The following SHPRH variants were observed in gnomAD, a reference collection of about 807,000 sequenced individuals.
SHPRH encodes the protein SNF2 histone linker PHD RING helicase, also known as E3 ubiquitin-protein ligase SHPRH.
In SHPRH, 106 loss-of-function variants were observed where a neutral mutation model predicts 202.5. The observed-to-expected ratio is 0.52, with a 90% CI of 0.45 to 0.62. The LOEUF (loss-of-function observed/expected upper bound fraction) is 0.62, where lower values mean the gene tolerates loss of function less well. Ranked by LOEUF, SHPRH falls within the 20% of genes least tolerant of loss-of-function variation. SHPRH has a pLI of 0.00. For missense variants in SHPRH, 1,710 were observed against 2,020.0 expected (o/e 0.85, Z 2.94); for synonymous variants, 729 against 686.0 (o/e 1.06, Z -0.98).
rs993748929 is a variant in SHPRH at position 145,960,842 on chromosome 6, G to A, written c.-33+2889C>T. ...TTTGGTACCATAAATGGGTTTCATG[G>A]AAGACAAGTTTTCCATGGACCGGAG... On this transcript the variant is annotated intron_variant, in intron 1 of 29. Transcript: ENST00000275233. Among the ~76,000 whole-genome samples, 4 of 152,284 alleles carry A rather than the reference G, an allele frequency of 2.6e-5. No homozygotes were observed. The East Asian group carries it at 7.7e-4, about 29-fold the overall frequency.
At chr6:145,925,259 A>T (rs1231313043) in intron 16 of SHPRH, among the ~76,000 whole-genome samples, 2 of 151,620 alleles carry the variant, frequency 1.3e-5, no homozygotes, top group Non-Finnish European at 2.9e-5. Context: ...ATACACAGTA[A>T]CACAGGTGTT....
chr6:145,945,758 A>T, intron 7 of SHPRH, 121 bp from the exon 8 acceptor site: 2 of 1,066,490 alleles, frequency 1.9e-6, no homozygotes, highest in Non-Finnish European at 2.5e-6. Flanking sequence ...AAGATTTATT[A>T]CAGCAGAGTG....
chr6:145,861,242 T>C (rs1315138521), downstream of SHPRH, among the ~76,000 whole-genome samples: 1 of 151,960 alleles, frequency 6.6e-6, no homozygotes, highest in Non-Finnish European at 1.5e-5. Context: ...TACAACTCAA[T>C]AGAAAACAAC....
intron 28 of SHPRH, among the ~76,000 whole-genome samples, chr6:145,888,875 C>T (rs1488221254): frequency 6.6e-6 from 1 of 152,074 alleles, no homozygotes; most frequent in East Asian, 1.9e-4. Context: ...GCTGACAAAA[C>T]TTAAAAGATG....
At chr6:145,951,404 C>T (rs1787965079) in intron 3 of SHPRH, among the ~76,000 whole-genome samples, 1 of 151,944 alleles carries the variant, frequency 6.6e-6, no homozygotes, top group South Asian at 2.1e-4. Context: ...AATAAATATG[C>T]CATGTAAAAT....
downstream of SHPRH, chr6:145,884,630 G>A (rs534163710): frequency 6.6e-6 from 1 of 152,078 alleles, no homozygotes; most frequent in African/African-American, 2.4e-5. Context: ...GAAAATGTGA[G>A]GATCAGATTT....
At chr6:145,940,614 A>C in intron 11 of SHPRH, 109 bp downstream of exon 11, 2 of 1,002,166 alleles carry the variant, frequency 2.0e-6, no homozygotes, top group Non-Finnish European at 3.0e-6. Flanking sequence ...AAAGACATGA[A>C]TCATCACTTC....
downstream of SHPRH, among the ~76,000 whole-genome samples, chr6:145,882,994 C>T (rs544334760): frequency 1.3e-5 from 2 of 152,204 alleles, no homozygotes; most frequent in South Asian, 4.2e-4. Context: ...CAAATGGCTC[C>T]TCTAATAGGC....
chr6:145,946,465 G>A, intron 6 of SHPRH, 124 bp from the exon 7 acceptor site: 2 of 651,318 alleles, frequency 3.1e-6, no homozygotes, highest in Non-Finnish European at 5.0e-6. Flanking sequence ...GCAAGAGAAA[G>A]GGCCAAATAG....
At chr6:145,860,117 G>C (rs117625824), downstream of SHPRH, among the ~76,000 whole-genome samples, 634 of 152,018 alleles carry the variant, frequency 4.2e-3, 18 homozygotes, top group East Asian at 0.071. Context: ...TCTAAGACCT[G>C]GAAAAAGGCA....
intron 11 of SHPRH, among the ~76,000 whole-genome samples, chr6:145,938,677 C>T (rs1029087574): frequency 1.3e-5 from 2 of 152,104 alleles, no homozygotes; most frequent in African/African-American, 2.4e-5. Context: ...CATCATAATT[C>T]ATCTTTAAAA....
intron 2 of SHPRH, among the ~76,000 whole-genome samples, chr6:145,871,813 T>C (rs1449841497): frequency 6.6e-6 from 1 of 152,128 alleles, no homozygotes; most frequent in Non-Finnish European, 1.5e-5. Flanking sequence ...AGGGCTACAG[T>C]AACCAAAATA....
intron 29 of SHPRH, 38 bp from the exon 30 acceptor site, chr6:145,886,825 C>G: frequency 6.3e-7 from 1 of 1,591,126 alleles, no homozygotes; most frequent in Non-Finnish European, 8.5e-7. Context: ...CAGAAAGAAA[C>G]CCCAAGCCAT....
intron 29 of SHPRH, among the ~76,000 whole-genome samples, chr6:145,887,302 A>G (rs1781117743): frequency 6.6e-6 from 1 of 152,160 alleles, no homozygotes; most frequent in Non-Finnish European, 1.5e-5. Context: ...CTTCTTTGCT[A>G]TGTGACAATC....
chr6:145,946,741 A>C (rs1392330512), intron 6 of SHPRH, among the ~76,000 whole-genome samples: 1 of 150,432 alleles, frequency 6.6e-6, no homozygotes, highest in East Asian at 1.9e-4. Context: ...TACAAAAAAA[A>C]CATTTTTTTT....
intron 22 of SHPRH, 100 bp downstream of exon 22, chr6:145,919,248 A>G: frequency 6.8e-7 from 1 of 1,469,324 alleles, no homozygotes. Flanking sequence ...ATACACACTT[A>G]CAGTAGAGCT....
intron 7 of SHPRH, 131 bp from the exon 8 acceptor site, chr6:145,945,768 G>T: frequency 2.2e-6 from 2 of 921,356 alleles, no homozygotes; most frequent in Admixed American, 3.7e-5. Context: ...ACAGCAGAGT[G>T]CCATTTTGAA....
intron 2 of SHPRH, chr6:145,870,956 C>T (rs944589418): frequency 3.9e-5 from 6 of 152,152 alleles, no homozygotes; most frequent in African/African-American, 1.4e-4. Context: ...ACAAAAACCA[C>T]AAGATTATCT....
intron 28 of SHPRH, among the ~76,000 whole-genome samples, chr6:145,891,168 G>C (rs1781537087): frequency 6.6e-6 from 1 of 152,062 alleles, no homozygotes; most frequent in African/African-American, 2.4e-5. Flanking sequence ...GTGGCTTCCT[G>C]GGCCCAATGT....
Sources: allele counts gnomAD v4.1 joint callset (sites outside exome capture counted in the v4.1 genomes callset), GRCh38; gene constraint gnomAD v4.1.1; transcripts MANE v1.5; gene names NCBI Gene and HGNC (gene_info 2026-07-23, HGNC 2026-07-21).